The following CLVS1 variants were observed in gnomAD, a reference collection of about 807,000 sequenced individuals.
The protein encoded by CLVS1 is clavesin-1.
CLVS1 carries 10 observed loss-of-function variants against 33.1 expected under a neutral mutation model. That is an observed-to-expected ratio of 0.30 (90% CI 0.19 to 0.51). The LOEUF is 0.51. Among genes scored for constraint, CLVS1 ranks in the 20% least tolerant of loss-of-function variants. The pLI, the probability that CLVS1 is intolerant of heterozygous loss-of-function variation, is 0.97. For missense variants in CLVS1, 343 were observed against 433.4 expected (o/e 0.79, Z 1.85); for synonymous variants, 163 against 166.1 (o/e 0.98, Z 0.14).
chr8:61,183,463 A>G (rs940045306), intron 2 of CLVS1, among the ~76,000 whole-genome samples: 2 of 152,164 alleles, frequency 1.3e-5, no homozygotes, highest in Non-Finnish European at 2.9e-5. Context: ...CATATTTGTT[A>G]TCTCAACCAA....
At chr8:61,168,642 G>A (rs1404209213) in intron 2 of CLVS1, among the ~76,000 whole-genome samples, 1 of 152,112 alleles carries the variant, frequency 6.6e-6, no homozygotes, top group Admixed American at 6.5e-5. Flanking sequence ...CCAAACTAAT[G>A]TTTCCAAATT....
chr8:60,981,079 C>T, the CLVS1 span, among the ~76,000 whole-genome samples: 8 of 152,152 alleles, frequency 5.3e-5, no homozygotes, highest in African/African-American at 1.7e-4. Flanking sequence ...TTAATTTCAG[C>T]CCAGTGATGC....
At chr8:61,216,497 A>G (rs1192271449) in intron 2 of CLVS1, among the ~76,000 whole-genome samples, 1 of 152,214 alleles carries the variant, frequency 6.6e-6, no homozygotes, top group Admixed American at 6.5e-5. Flanking sequence ...TAAGCTTTGC[A>G]TCATAGGCAC....
the CLVS1 span, among the ~76,000 whole-genome samples, chr8:61,036,715 G>C: frequency 6.6e-6 from 1 of 152,204 alleles, no homozygotes; most frequent in Non-Finnish European, 1.5e-5. Context: ...ATCCCTCTAT[G>C]TCTCAATTAT....
At chr8:61,287,252 G>A (rs754232136), upstream of CLVS1, among the ~76,000 whole-genome samples, 7 of 151,902 alleles carry the variant, frequency 4.6e-5, no homozygotes, top group Admixed American at 2.6e-4. Context: ...ATTTACTGGC[G>A]AGGTTGATAT....
intron 2 of CLVS1, among the ~76,000 whole-genome samples, chr8:61,165,206 AT>A (rs1806835504): frequency 6.6e-6 from 1 of 152,232 alleles, no homozygotes; most frequent in African/African-American, 2.4e-5. Context: ...ACCCTGCTGG[AT>A]CCGGAAGAAT....
intron 1 of CLVS1, among the ~76,000 whole-genome samples, chr8:61,070,575 C>T (rs555761021): frequency 5.3e-5 from 8 of 152,216 alleles, no homozygotes; most frequent in Admixed American, 1.3e-4. Context: ...TGTGGTGGCT[C>T]ATGCCTGTAA....
At chr8:61,072,197 G>A (rs1318405705) in intron 1 of CLVS1, among the ~76,000 whole-genome samples, 3 of 152,022 alleles carry the variant, frequency 2.0e-5, no homozygotes, top group South Asian at 2.1e-4. Context: ...AGCTTCACCC[G>A]CTGCCTTCAA....
Position 61,236,721 on chromosome 8 carries a change from T to A in CLVS1, c.-151-62956T>A, listed in dbSNP as rs528804590. Among the ~76,000 whole-genome samples the A allele has an allele frequency of 7.2e-5, 11 of 152,272 alleles. No individual in the cohort carries two copies. In the East Asian group the frequency reaches 2.1e-3, roughly 29 times the overall value. ...GCTTCATTTACACAAACAAGAAGGA[T>A]TACATGTTTCTAAATGGAAAAGACT... On this transcript the variant is annotated intron_variant, in intron 2 of 2. Transcript: ENST00000522621.
intron 2 of CLVS1, among the ~76,000 whole-genome samples, chr8:61,227,641 T>G (rs543488460): frequency 6.6e-6 from 1 of 152,362 alleles, no homozygotes; most frequent in East Asian, 1.9e-4. Context: ...TTTGCTGTTG[T>G]GATCATGTTT....
chr8:60,992,415 GA>G, the CLVS1 span, among the ~76,000 whole-genome samples: 1 of 152,212 alleles, frequency 6.6e-6, no homozygotes, highest in Admixed American at 6.5e-5. Context: ...ACTTCAGGAG[GA>G]GACGGAGTTT....
intron 2 of CLVS1, among the ~76,000 whole-genome samples, chr8:61,279,318 C>T (rs1809623338): frequency 6.6e-6 from 1 of 152,152 alleles, no homozygotes. Flanking sequence ...TTTCTCATCT[C>T]TCCCAAGTCT....
intron 2 of CLVS1, among the ~76,000 whole-genome samples, chr8:61,174,715 A>G (rs867169288): frequency 5.9e-5 from 9 of 152,356 alleles, no homozygotes; most frequent in South Asian, 4.1e-4. Flanking sequence ...GGGTTCATTT[A>G]TATTTACAAG....
At chr8:61,238,125 T>A (rs1356054938) in intron 2 of CLVS1, among the ~76,000 whole-genome samples, 1 of 152,240 alleles carries the variant, frequency 6.6e-6, no homozygotes, top group Non-Finnish European at 1.5e-5. Context: ...AGATCTACTT[T>A]CTTATTTAAG....
intron 2 of CLVS1, among the ~76,000 whole-genome samples, chr8:61,331,808 CTCCTCCTCCTCCTCT>C (rs1220270499): frequency 1.3e-5 from 2 of 148,936 alleles, no homozygotes; most frequent in African/African-American, 2.5e-5. Flanking sequence ...TCTTCTTCTC[CTCCTCCTCCTCCTCT>C]TCCTCCTCCT....
intron 2 of CLVS1, among the ~76,000 whole-genome samples, chr8:61,245,559 C>CGT (rs1308056062): frequency 6.6e-6 from 1 of 151,718 alleles, no homozygotes; most frequent in Non-Finnish European, 1.5e-5. Context: ...ATTTTATAGT[C>CGT]GTCTTTTGTC....
chr8:61,162,856 A>G (rs115949184), intron 2 of CLVS1, among the ~76,000 whole-genome samples: 6,516 of 152,126 alleles, frequency 0.043, 275 homozygotes, highest in African/African-American at 0.11. Flanking sequence ...CCAAGTGAAA[A>G]CACTCTCTCT....
chr8:61,052,053 A>G, the CLVS1 span, among the ~76,000 whole-genome samples: 2 of 152,192 alleles, frequency 1.3e-5, no homozygotes, highest in African/African-American at 4.8e-5. Context: ...GGGAACCATC[A>G]GTGAGGGGGA....
chr8:61,253,566 C>T (rs1048401951), intron 2 of CLVS1, among the ~76,000 whole-genome samples: 20 of 152,144 alleles, frequency 1.3e-4, no homozygotes, highest in East Asian at 3.9e-4. Flanking sequence ...ACCAATCAGA[C>T]GTAGATTTGG....
Sources: gnomAD v4.1 joint callset for allele counts (sites outside exome capture counted in the v4.1 genomes callset) on GRCh38, gnomAD v4.1.1 for gene constraint, MANE v1.5 for transcripts, NCBI Gene and HGNC (gene_info 2026-07-23, HGNC 2026-07-21) for gene names.